Variants in DCAF15 observed in about 807,000 individuals in gnomAD.
DCAF15 encodes DDB1- and CUL4-associated factor 15.
DCAF15 carries 24 observed loss-of-function variants against 68.0 expected under a neutral mutation model. The observed-to-expected ratio is 0.35, with a 90% confidence interval of 0.26 to 0.50. The LOEUF (loss-of-function observed/expected upper bound fraction) is 0.50. Ranked by LOEUF, DCAF15 falls within the 20% of genes least tolerant of loss-of-function variation. The pLI, the probability that DCAF15 is intolerant of heterozygous loss-of-function variation, is 0.98. For synonymous variants in DCAF15, 376 were observed against 341.6 expected (o/e 1.10, Z -1.11); for missense variants, 627 against 830.6 (o/e 0.75, Z 3.01).
chr19:13,954,755 G>T (rs919239518), intron 3 of DCAF15, 94 bp downstream of exon 3: 62 of 1,354,214 alleles, frequency 4.6e-5, no homozygotes, highest in Non-Finnish European at 5.8e-5. Context: ...GGTGTAAAAT[G>T]ATCATCATGT....
chr19:13,953,835 T>G (rs1973210328), intron 1 of DCAF15, among the ~76,000 whole-genome samples: 1 of 152,168 alleles, frequency 6.6e-6, no homozygotes, highest in Non-Finnish European at 1.5e-5. Context: ...GGCTCACCCT[T>G]CTATCTGCCT....
At position 13,960,368 on chromosome 19, in the gene DCAF15, G is replaced by T. The variant is rs759916346; in HGVS notation, c.1608G>T (p.Leu536=). ...GIFETVSVGD[L]TEVKGQTSGS... is the part of the protein sequence containing the mutation. ...TCGAGACAGTCAGTGTAGGCGACCTGACTGAGGTCAAAGGGCAGACCAGGT... is the reference window on the plus strand; with the variant it reads ...TCGAGACAGTCAGTGTAGGCGACCTTACTGAGGTCAAAGGGCAGACCAGGT... The change falls in exon 11 of 13, where the codon CTG becomes CTT. Residue 536 remains leucine, a synonymous_variant. Coordinates refer to ENST00000254337, the MANE Select transcript of DCAF15 (RefSeq NM_138353.4). 12 of 1,614,022 alleles carry T rather than the reference G, an allele frequency of 7.4e-6. No individual in the cohort carries two copies. Among genetic ancestry groups the T allele is most frequent in the Non-Finnish European group, 9.3e-6 (11 of 1,180,010 alleles).
chr19:13,960,607 C>A, intron 12 of DCAF15, 27 bp downstream of exon 12: 2 of 1,535,156 alleles, frequency 1.3e-6, no homozygotes, highest in South Asian at 1.2e-5. Context: ...CCGTGATGGT[C>A]AGGGTCACCA....
intron 6 of DCAF15, among the ~76,000 whole-genome samples, chr19:13,958,732 T>G (rs1009125316): frequency 6.6e-6 from 1 of 152,138 alleles, no homozygotes; most frequent in Non-Finnish European, 1.5e-5. Context: ...GCTACTGTAG[T>G]GAACACTCTA....
At chr19:13,960,718 G>A in intron 12 of DCAF15, 138 bp downstream of exon 12, 1 of 1,031,832 alleles carries the variant, frequency 9.7e-7, no homozygotes, top group Non-Finnish European at 1.4e-6. Flanking sequence ...CAGCTCAGCA[G>A]CCCTGAAAGT....
Position 13,960,299 on chromosome 19 carries a change from T to C in DCAF15, c.1539T>C (p.Tyr513=). 1 of 1,613,968 alleles carries C rather than the reference T, an allele frequency of 6.2e-7. No individual in the cohort carries two copies. Among genetic ancestry groups the C allele is most frequent in the Non-Finnish European group, 8.5e-7 (1 of 1,179,982 alleles). The change falls in exon 11 of 13, where the codon TAT becomes TAC. Residue 513 remains tyrosine, a synonymous_variant. Transcript: ENST00000254337. ...TEEGQLRPKT[Y]HTSLKVAWDL... The stretch of plus-strand genomic sequence containing the variant: ...CTCTCCACTGTAGACCAAAGACCTA[T>C]CACACCAGCCTCAAGGTGGCATGGG...
At chr19:13,960,703 A>G in intron 12 of DCAF15, 123 bp downstream of exon 12, 1 of 1,094,744 alleles carries the variant, frequency 9.1e-7, no homozygotes, top group Non-Finnish European at 1.3e-6. Context: ...AGCCCAGGCC[A>G]GGCCCAGCTC....
intron 1 of DCAF15, among the ~76,000 whole-genome samples, chr19:13,954,062 C>G (rs1262746959): frequency 1.3e-5 from 2 of 152,142 alleles, no homozygotes; most frequent in African/African-American, 4.8e-5. Flanking sequence ...GGCGGTGACG[C>G]TGGGCTCAGT....
chr19:13,958,690 T>C (rs1248704293), intron 6 of DCAF15, among the ~76,000 whole-genome samples: 1 of 152,082 alleles, frequency 6.6e-6, no homozygotes, highest in Non-Finnish European at 1.5e-5. Flanking sequence ...AAGATGTCCC[T>C]CGACAGAGTG....
intron 3 of DCAF15, 43 bp downstream of exon 3, chr19:13,954,704 G>A: frequency 6.2e-7 from 1 of 1,609,928 alleles, no homozygotes; most frequent in South Asian, 1.1e-5. Flanking sequence ...AGATGGTGTG[G>A]TTCAGCAGGT....
Position 13,959,263 on chromosome 19 carries a change from A to G in DCAF15, c.1003A>G (p.Lys335Glu), listed in dbSNP as rs775369131. The G allele has an allele frequency of 5.0e-6, 8 of 1,612,026 alleles. No individual in the cohort carries two copies. The highest frequency in any genetic ancestry group is 5.9e-6 in the Non-Finnish European group (7 of 1,179,858). ...CATCTTCCGCCGGGCCAAAGAGGCC[A>G]AGGGCGGGGTCCCTGAGGAAGCCCG... ...ADIFRRAKEAKGGVPEEARPA... is the reference protein window; with the variant it reads ...ADIFRRAKEAEGGVPEEARPA... Residue 335 changes from lysine (K) to glutamate (E), a missense_variant, in exon 7 of 13, where the codon AAG (lysine) becomes GAG (glutamate). This residue lies in a region of DCAF15 where 236 missense variants were observed against 225.1 expected (regional missense o/e 1.05). Transcript: ENST00000254337.
chr19:13,960,219 G>C (rs1568451354), intron 10 of DCAF15, 68 bp from the exon 11 acceptor site: 1 of 1,572,566 alleles, frequency 6.4e-7, no homozygotes, highest in Non-Finnish European at 8.7e-7. Flanking sequence ...AGGCCCTCAG[G>C]GTAGCCTGGG....
Position 13,960,538 on chromosome 19 carries a change from G to C in DCAF15, c.1705G>C (p.Gly569Arg). ...GAAGTGGCTGGTGCCGGAGAGCAGCGGCCGCTACGTCAACAGGATGACCAA... is the reference window on the plus strand; with the variant it reads ...GAAGTGGCTGGTGCCGGAGAGCAGCCGCCGCTACGTCAACAGGATGACCAA... ...VMKWLVPESSGRYVNRMTNEA... is the reference protein window; with the variant it reads ...VMKWLVPESSRRYVNRMTNEA... The change falls in exon 12 of 13, where the codon GGC becomes CGC. Residue 569 changes from glycine (G) to arginine (R), a missense_variant. Transcript: ENST00000254337. 1 of 1,601,904 alleles carries C rather than the reference G, an allele frequency of 6.2e-7. No homozygotes were observed. The highest frequency in any genetic ancestry group is 1.1e-5 in the South Asian group (1 of 89,662).
rs1973161436 is a variant in DCAF15 at position 13,953,135 on chromosome 19, A to G, written c.132+491A>G. The G allele has an allele frequency of 2.6e-6, 4 of 1,548,500 alleles. No individual in the cohort carries two copies. The East Asian group carries it at 9.9e-5, about 38-fold the overall frequency. ...TTCCAGTACCTGGGTGGGCCTCCCC[A>G]TTGAAAGTGTGGGAGCTCCCTGGAT... is the stretch of plus-strand genomic sequence containing the variant. On this transcript the variant is annotated intron_variant, in intron 1 of 12. Coordinates refer to ENST00000254337, the MANE Select transcript of DCAF15 (RefSeq NM_138353.4).
intron 6 of DCAF15, 63 bp from the exon 7 acceptor site, chr19:13,958,982 G>A: frequency 6.6e-7 from 1 of 1,523,020 alleles, no homozygotes; most frequent in Non-Finnish European, 8.8e-7. Context: ...AAAACCCCTG[G>A]GGACACTGAG....
chr19:13,953,125 G>A (rs1203050203), intron 1 of DCAF15: 1 of 1,549,504 alleles, frequency 6.5e-7, no homozygotes, highest in Non-Finnish European at 8.7e-7. Flanking sequence ...GTACCTGGGT[G>A]GGCCTCCCCA....
At chr19:13,959,944 G>A (rs781592433) in intron 9 of DCAF15, 40 bp from the exon 10 acceptor site, 3 of 1,356,030 alleles carry the variant, frequency 2.2e-6, no homozygotes, top group South Asian at 1.4e-5. Flanking sequence ...GTACTCTGGG[G>A]TCGCCCTCAA....
chr19:13,955,854 C>G lies in DCAF15; in HGVS notation c.367-58C>G, dbSNP rs1407515573. ...CCTGATGAGGGACTGCATCGTACAG[C>G]TTCGGGGGACCTCCGCAGTTTCCCT... On this transcript the variant is annotated intron_variant, in intron 3 of 12. Coordinates refer to ENST00000254337, the MANE Select transcript of DCAF15 (RefSeq NM_138353.4). 3.2e-6 allele frequency: 5 copies of G among 1,578,722 alleles called. No individual in the cohort carries two copies. In the East Asian group the frequency reaches 1.1e-4, roughly 35 times the overall value.
intron 3 of DCAF15, among the ~76,000 whole-genome samples, chr19:13,955,366 AG>A (rs1196016476): frequency 6.6e-6 from 1 of 152,234 alleles, no homozygotes; most frequent in African/African-American, 2.4e-5. Flanking sequence ...GGTTGCAGTG[AG>A]CCGAGATCGA....
Sources: allele counts gnomAD v4.1 joint callset (sites outside exome capture counted in the v4.1 genomes callset), GRCh38; gene constraint gnomAD v4.1.1; regional missense constraint gnomAD v4.1.1; transcripts MANE v1.5; gene names NCBI Gene and HGNC (gene_info 2026-07-23, HGNC 2026-07-21).